Variants in AFAP1 observed in about 807,000 individuals in gnomAD.
AFAP1 encodes the protein actin filament-associated protein 1.
Under a neutral mutation model 93.9 loss-of-function variants are expected in AFAP1, and 75 were observed. The ratio of observed to expected loss-of-function variants is 0.80; its 90% CI spans 0.66 to 0.97. The LOEUF is 0.97. AFAP1 is among the 50% of genes least tolerant of loss of function. AFAP1 has a pLI of 0.00. For synonymous variants in AFAP1, 517 were observed against 430.7 expected (o/e 1.20, Z -2.48); for missense variants, 1,201 against 1,050.8 (o/e 1.14, Z -1.98).
At chr4:7,897,509 G>T (rs547629848) in intron 1 of AFAP1, among the ~76,000 whole-genome samples, 1 of 146,220 alleles carries the variant, frequency 6.8e-6, no homozygotes, top group East Asian at 1.9e-4. Flanking sequence ...CCCAGCGCTT[G>T]TTTTTTTTGT....
chr4:7,935,403 C>G (rs910559613), intron 1 of AFAP1, among the ~76,000 whole-genome samples: 2 of 152,194 alleles, frequency 1.3e-5, no homozygotes, highest in Non-Finnish European at 2.9e-5. Flanking sequence ...ACATTTTATT[C>G]ATACTTATAT....
intron 1 of AFAP1, among the ~76,000 whole-genome samples, chr4:7,925,085 C>T (rs557310029): frequency 8.5e-5 from 13 of 152,252 alleles, no homozygotes; most frequent in South Asian, 4.1e-4. Context: ...ATGCAAGTGA[C>T]GACACCGACT....
intron 17 of AFAP1, among the ~76,000 whole-genome samples, chr4:7,764,595 T>A (rs902134254): frequency 5.3e-5 from 8 of 152,214 alleles, no homozygotes; most frequent in Non-Finnish European, 8.8e-5. Flanking sequence ...AAAATTTTTT[T>A]AAATATGTAG....
At chr4:7,783,432 G>A (rs11731614) in intron 12 of AFAP1, among the ~76,000 whole-genome samples, 16,777 of 152,186 alleles carry the variant, frequency 0.11, 1,405 homozygotes, top group East Asian at 0.48. Context: ...GAGCCATCGC[G>A]CCTGGCTATA....
intron 2 of AFAP1, 77 bp from the exon 3 acceptor site, chr4:7,868,796 T>C: frequency 3.1e-6 from 4 of 1,271,442 alleles, no homozygotes; most frequent in Non-Finnish European, 4.5e-6. Context: ...TATCAGTTCC[T>C]GAACCCTGTG....
intron 1 of AFAP1, among the ~76,000 whole-genome samples, chr4:7,914,345 G>A (rs367750811): frequency 3.3e-5 from 5 of 152,096 alleles, no homozygotes; most frequent in South Asian, 4.1e-4. Context: ...ATGAGCCACC[G>A]TGCCCAGCCT....
At chr4:7,838,786 T>C (rs1712624075) in intron 5 of AFAP1, 83 bp from the exon 6 acceptor site, 1 of 1,493,198 alleles carries the variant, frequency 6.7e-7, no homozygotes, top group Non-Finnish European at 9.1e-7. Flanking sequence ...CATGAAAACC[T>C]GAGTGCGGGC....
At chr4:7,801,928 A>C (rs990882200) in intron 9 of AFAP1, among the ~76,000 whole-genome samples, 5 of 151,154 alleles carry the variant, frequency 3.3e-5, no homozygotes, top group African/African-American at 4.9e-5. Flanking sequence ...AAAAAAAAAA[A>C]AAAAAAAAAA....
At chr4:7,920,693 T>TA (rs1403960869) in intron 1 of AFAP1, among the ~76,000 whole-genome samples, 1 of 152,216 alleles carries the variant, frequency 6.6e-6, no homozygotes, top group Non-Finnish European at 1.5e-5. Flanking sequence ...CTGCAATCCC[T>TA]AAAAGACAAA....
At chr4:7,844,528 C>G (rs1015710549) in intron 4 of AFAP1, among the ~76,000 whole-genome samples, 2 of 152,134 alleles carry the variant, frequency 1.3e-5, no homozygotes, top group African/African-American at 4.8e-5. Flanking sequence ...CAACACAGAG[C>G]GGATCGCAGC....
intron 15 of AFAP1, 38 bp from the exon 16 acceptor site, chr4:7,773,048 C>A (rs1445454558): frequency 6.3e-7 from 1 of 1,586,250 alleles, no homozygotes; most frequent in Non-Finnish European, 8.5e-7. Flanking sequence ...CCGCGGCAGG[C>A]ACAGGTTCTC....
At chr4:7,815,969 T>C in intron 8 of AFAP1, 49 bp downstream of exon 8, 2 of 1,516,170 alleles carry the variant, frequency 1.3e-6, no homozygotes, top group Admixed American at 2.0e-5. Context: ...ATTTTTGTTT[T>C]TGTTTTTTTT....
intron 2 of AFAP1, among the ~76,000 whole-genome samples, chr4:7,871,618 C>T (rs561554875): frequency 6.6e-6 from 1 of 152,330 alleles, no homozygotes; most frequent in Admixed American, 6.5e-5. Flanking sequence ...TCGGACTGTG[C>T]ATCCTCACTA....
At chr4:7,934,506 C>T (rs1210065601) in intron 1 of AFAP1, among the ~76,000 whole-genome samples, 1 of 152,184 alleles carries the variant, frequency 6.6e-6, no homozygotes, top group Non-Finnish European at 1.5e-5. Flanking sequence ...AACATAAATT[C>T]TTCGAGGACC....
chr4:7,833,505 G>A (rs1711881025), intron 6 of AFAP1, among the ~76,000 whole-genome samples: 2 of 151,734 alleles, frequency 1.3e-5, no homozygotes. Context: ...ATGTTGGTGT[G>A]GATGCGGTGA....
At chr4:7,903,261 A>G (rs949914254) in intron 1 of AFAP1, among the ~76,000 whole-genome samples, 2 of 152,260 alleles carry the variant, frequency 1.3e-5, no homozygotes, top group Admixed American at 6.5e-5. Flanking sequence ...ATATTTTTGT[A>G]GGTAGAGACA....
chr4:7,785,646 G>A (rs1421515782), intron 12 of AFAP1, among the ~76,000 whole-genome samples: 1 of 152,206 alleles, frequency 6.6e-6, no homozygotes, highest in Admixed American at 6.5e-5. Flanking sequence ...ATTAGTGACA[G>A]CGACATTAGG....
chr4:7,936,406 GT>G (rs1166188304), intron 1 of AFAP1, among the ~76,000 whole-genome samples: 1 of 150,800 alleles, frequency 6.6e-6, no homozygotes, highest in Admixed American at 6.6e-5. Flanking sequence ...GCTCACTGCA[GT>G]CTCTAATCTT....
chr4:7,782,241 G>T (rs1216791678), intron 12 of AFAP1, among the ~76,000 whole-genome samples: 1 of 152,230 alleles, frequency 6.6e-6, no homozygotes, highest in Non-Finnish European at 1.5e-5. Context: ...AGGGAAGGGC[G>T]CGCTCATCCC....
Sources: gnomAD v4.1 joint callset for allele counts (sites outside exome capture counted in the v4.1 genomes callset) on GRCh38, gnomAD v4.1.1 for gene constraint, MANE v1.5 for transcripts, NCBI Gene and HGNC (gene_info 2026-07-23, HGNC 2026-07-21) for gene names.